The following XIRP2 variants were observed in gnomAD, a reference collection of about 807,000 sequenced individuals.
XIRP2 encodes xin actin-binding repeat-containing protein 2.
XIRP2 carries 236 observed loss-of-function variants against 277.0 expected under a neutral mutation model. The ratio of observed to expected loss-of-function variants is 0.85; its 90% confidence interval spans 0.77 to 0.95. The LOEUF (loss-of-function observed/expected upper bound fraction) is 0.95. Ranked by LOEUF, XIRP2 falls within the 40% of genes least tolerant of loss-of-function variation. XIRP2 has a pLI of 0.00. For missense variants in XIRP2, 4,640 were observed against 4,157.5 expected, an observed-to-expected ratio of 1.12 and a Z score of -3.19; for synonymous variants, 1,490 against 1,416.5, an observed-to-expected ratio of 1.05 and a Z score of -1.17.
chr2:167,221,460 C>CAAAAAAAA, intron 5 of XIRP2, among the ~76,000 whole-genome samples: 1 of 63,472 alleles, frequency 1.6e-5, no homozygotes, highest in Non-Finnish European at 3.6e-5. Flanking sequence ...AACTCCATCT[C>CAAAAAAAA]AAAAAAAAAA....
intron 5 of XIRP2, among the ~76,000 whole-genome samples, chr2:167,233,236 G>C (rs1429397615): frequency 6.6e-6 from 1 of 151,846 alleles, no homozygotes; most frequent in Admixed American, 6.6e-5. Context: ...GTGTAGTGAG[G>C]AATAATTGAG....
At chr2:167,041,824 A>G (rs1688666560) in intron 2 of XIRP2, among the ~76,000 whole-genome samples, 1 of 152,152 alleles carries the variant, frequency 6.6e-6, no homozygotes, top group Non-Finnish European at 1.5e-5. Context: ...GGTGACATGC[A>G]AATTCAGGAA....
chr2:167,244,317 T>C lies in XIRP2; in HGVS notation c.2925T>C (p.Ala975=). Reference sequence around the variant, plus strand: ...AGGTGGAAGGAGTTACAAGAGGTGCTGTAGAGTTAAATAAATCTCTCTTCG... The same window carrying C: ...AGGTGGAAGGAGTTACAAGAGGTGCCGTAGAGTTAAATAAATCTCTCTTCG... ...KIEVEGVTRG[A]VELNKSLFET... The change falls in exon 9 of 11, where the codon GCT becomes GCC. Residue 975 remains alanine, a synonymous_variant. Coordinates refer to ENST00000409195, the MANE Select transcript of XIRP2 (RefSeq NM_152381.6). 6.2e-7 allele frequency: 1 copy of C among 1,613,812 alleles called. No individual in the cohort carries two copies. The highest frequency in any genetic ancestry group is 8.5e-7 in the Non-Finnish European group (1 of 1,179,850).
At chr2:167,014,594 G>C (rs950600658) in intron 2 of XIRP2, among the ~76,000 whole-genome samples, 3 of 151,430 alleles carry the variant, frequency 2.0e-5, no homozygotes, top group Non-Finnish European at 4.4e-5. Flanking sequence ...ATGAAACATA[G>C]AGCAACCCAA....
chr2:166,971,815 A>T (rs2105420891), intron 2 of XIRP2, among the ~76,000 whole-genome samples: 1 of 152,278 alleles, frequency 6.6e-6, no homozygotes, highest in East Asian at 1.9e-4. Flanking sequence ...ACAACATGAA[A>T]ATCACAGTTT....
rs190404162 is a variant in XIRP2, at chr2:166,936,798, C to T, written c.408+32908C>T. 1.5e-3 allele frequency among the ~76,000 whole-genome samples: 234 copies of T among 152,228 alleles called. 8 individuals carry two copies. In the East Asian group the frequency reaches 0.04, roughly 26 times the overall value. ...TCTCTGTTTTGGTACCAGTACCATGCTGTTTTGGTTACTGTAGCCTTGTAG... is the reference window on the plus strand; with the variant it reads ...TCTCTGTTTTGGTACCAGTACCATGTTGTTTTGGTTACTGTAGCCTTGTAG... On this transcript the variant is annotated intron_variant, in intron 2 of 10. Transcript: ENST00000409195.
Position 167,247,132 on chromosome 2 carries a change from A to G in XIRP2, c.5740A>G (p.Lys1914Glu). 1 of 1,613,566 alleles carries G rather than the reference A, an allele frequency of 6.2e-7. No homozygotes were observed. Among genetic ancestry groups the G allele is most frequent in the East Asian group, 2.2e-5 (1 of 44,840 alleles). ...KATNTKTEIL[K>E]KELLKDDLET... ...TACAAATACAAAGACAGAAATTCTG[A>G]AAAAGGAGCTTCTCAAAGATGACCT... is the stretch of plus-strand genomic sequence containing the variant. Residue 1914 changes from lysine (K) to glutamate (E), a missense_variant, in exon 9 of 11, where the codon AAA becomes GAA. Lys to Glu is a moderately conservative substitution (Grantham distance 56). Transcript: ENST00000409195.
chr2:167,215,977 G>A (rs372976495), intron 4 of XIRP2, among the ~76,000 whole-genome samples: 28 of 151,514 alleles, frequency 1.8e-4, no homozygotes, highest in South Asian at 1.7e-3. Flanking sequence ...AAATAACGCC[G>A]CATACCTACA....
intron 2 of XIRP2, among the ~76,000 whole-genome samples, chr2:167,021,112 T>G (rs1207659652): frequency 6.6e-6 from 1 of 152,060 alleles, no homozygotes; most frequent in Non-Finnish European, 1.5e-5. Flanking sequence ...GAGCTCTAAT[T>G]CGTATGCTTC....
intron 2 of XIRP2, among the ~76,000 whole-genome samples, chr2:167,027,927 A>C (rs1352917494): frequency 6.6e-6 from 1 of 152,076 alleles, no homozygotes; most frequent in East Asian, 1.9e-4. Context: ...AAATATTTTA[A>C]AGAAAATAGT....
Position 167,245,139 on chromosome 2 carries a change from T to C in XIRP2, c.3747T>C (p.Asp1249=), listed in dbSNP as rs764670587. The C allele has an allele frequency of 4.3e-6, 7 of 1,611,922 alleles. No individual in the cohort carries two copies. Among genetic ancestry groups the C allele is most frequent in the Non-Finnish European group, 5.9e-6 (7 of 1,179,340 alleles). ...GGCTTTTTGAAAACCAACCAATTGA[T>C]AAGATAAAAGAAAGCCAAGAAGGTG... ...CRWLFENQPI[D]KIKESQEGDE... Residue 1249 remains aspartate, a synonymous_variant, in exon 9 of 11, where the codon GAT becomes GAC. Coordinates refer to ENST00000409195, the MANE Select transcript of XIRP2 (RefSeq NM_152381.6).
chr2:167,138,876 G>A (rs759541469), intron 3 of XIRP2, among the ~76,000 whole-genome samples: 3 of 152,006 alleles, frequency 2.0e-5, no homozygotes, highest in Non-Finnish European at 2.9e-5. Context: ...GACCAGCCCC[G>A]ACCAACATGG....
At chr2:167,205,250 G>T (rs1693822632) in intron 3 of XIRP2, among the ~76,000 whole-genome samples, 1 of 152,098 alleles carries the variant, frequency 6.6e-6, no homozygotes, top group Admixed American at 6.5e-5. Context: ...TGAAAGCCCT[G>T]AAAGATAGTG....
intron 2 of XIRP2, among the ~76,000 whole-genome samples, chr2:167,080,333 G>A (rs2105261119): frequency 6.6e-6 from 1 of 152,294 alleles, no homozygotes; most frequent in East Asian, 1.9e-4. Flanking sequence ...AAATCCCAGA[G>A]AGATAAAACA....
At chr2:167,221,459 T>TA (rs1694427057) in intron 5 of XIRP2, among the ~76,000 whole-genome samples, 1 of 42,676 alleles carries the variant, frequency 2.3e-5, no homozygotes, top group African/African-American at 1.1e-4. Flanking sequence ...AAACTCCATC[T>TA]CAAAAAAAAA....
chr2:166,903,925 T>C (rs1477637463), intron 2 of XIRP2, 35 bp downstream of exon 2: 2 of 1,581,102 alleles, frequency 1.3e-6, no homozygotes, highest in African/African-American at 1.4e-5. Context: ...TATGTTTACA[T>C]ATGACTTCCT....
At chr2:167,000,421 G>A (rs562067819) in intron 2 of XIRP2, among the ~76,000 whole-genome samples, 1 of 151,086 alleles carries the variant, frequency 6.6e-6, no homozygotes, top group African/African-American at 2.4e-5. Flanking sequence ...GCATCACTAC[G>A]TTTCTCTGAT....
At chr2:167,093,549 G>T (rs1558977719) in intron 2 of XIRP2, among the ~76,000 whole-genome samples, 1 of 151,914 alleles carries the variant, frequency 6.6e-6, no homozygotes, top group African/African-American at 2.4e-5. Flanking sequence ...CTCCCACTTA[G>T]GAGTGAGAAC....
intron 2 of XIRP2, among the ~76,000 whole-genome samples, chr2:166,969,025 T>C (rs980478504): frequency 4.6e-5 from 7 of 151,974 alleles, no homozygotes; most frequent in Non-Finnish European, 5.9e-5. Context: ...TTATCAAGGC[T>C]CTGGACCCTC....
Sources: allele counts gnomAD v4.1 joint callset (sites outside exome capture counted in the v4.1 genomes callset), GRCh38; gene constraint gnomAD v4.1.1; transcripts MANE v1.5; gene names NCBI Gene and HGNC (gene_info 2026-07-23, HGNC 2026-07-21).